KANTR: variants seen among roughly 807,000 people sequenced by gnomAD.
KANTR encodes the protein KANTR integral membrane protein, also known as KDM5C adjacent transcript.
At chrX:53,137,036 G>A (rs1043100445) in intron 2 of KANTR, among the ~76,000 whole-genome samples, 1 of 109,062 alleles carries the variant, frequency 9.2e-6, no homozygotes, top group Non-Finnish European at 1.9e-5. Context: ...CACTGCACCT[G>A]GCCACATTAG....
chrX:53,144,525 G>A (rs915137767), downstream of KANTR, among the ~76,000 whole-genome samples: 6 of 110,164 alleles, frequency 5.4e-5, no homozygotes, highest in East Asian at 2.9e-4. Context: ...GTGAAACCCC[G>A]TCTCTCCTAA....
chrX:53,140,089 G>A (rs1933480238), intron 2 of KANTR, among the ~76,000 whole-genome samples: 1 of 112,673 alleles, frequency 8.9e-6, no homozygotes, highest in African/African-American at 3.2e-5. Context: ...GCAGGATAAT[G>A]CCAAGTGGCG....
downstream of KANTR, chrX:53,142,962 G>T: frequency 1.1e-6 from 1 of 934,304 alleles, no homozygotes; most frequent in Non-Finnish European, 1.5e-6. Flanking sequence ...TGATGAACTT[G>T]ATCTTCATGG....
chrX:53,129,169 A>G (rs1247249309), downstream of KANTR, among the ~76,000 whole-genome samples: 6 of 99,925 alleles, frequency 6.0e-5, no homozygotes, highest in Middle Eastern at 4.7e-3. Context: ...CTGGGTTCAC[A>G]CCATTCTCCT....
chrX:53,136,019 G>A (rs1166093820), intron 2 of KANTR, among the ~76,000 whole-genome samples: 1 of 111,707 alleles, frequency 9.0e-6, no homozygotes, highest in Non-Finnish European at 1.9e-5. Flanking sequence ...TCTGAGAGCA[G>A]ATGGGTCTGT....
chrX:53,125,799 T>G (rs1369392515), exon 3 of KANTR: 3 of 111,125 alleles, frequency 2.7e-5, no homozygotes, highest in African/African-American at 9.8e-5. Context: ...TGGACTTACA[T>G]GCATACATTC....
rs1309512890 is a variant in KANTR at position 53,107,458 on chromosome X, T to TA, written c.-805+7861dup. Among the ~76,000 whole-genome samples, 518 of 101,576 alleles carry TA rather than the reference T, an allele frequency of 5.1e-3. 26 individuals are homozygous for TA. Among genetic ancestry groups the TA allele is most frequent in the African/African-American group, 0.017 (460 of 27,146 alleles). The allele number at this position is 101,576 out of a possible 115,157, so 88.2% of individuals were successfully genotyped here. ...AAACTCAGCAGTTTATCAATTTCTT[T>TA]AAAAAAAAAAACAGCTGAAATTCTC... On this transcript the variant is annotated intron_variant, in intron 2 of 2. Transcript: ENST00000604062.
chrX:53,123,981 C>T (rs1488337292), exon 3 of KANTR: 2 of 156,865 alleles, frequency 1.3e-5, no homozygotes, highest in African/African-American at 3.0e-5. Flanking sequence ...AGGTCCTACC[C>T]GGACACCTCT....
intron 2 of KANTR, among the ~76,000 whole-genome samples, chrX:53,141,380 T>TA (rs1933499777): frequency 9.0e-6 from 1 of 111,485 alleles, no homozygotes; most frequent in African/African-American, 3.3e-5. Flanking sequence ...CTCATCATGA[T>TA]ACTTTGTTGG....
chrX:53,102,960 A>AATAGTCTG (rs1356753740), intron 2 of KANTR, among the ~76,000 whole-genome samples: 5 of 103,520 alleles, frequency 4.8e-5, no homozygotes, highest in Non-Finnish European at 7.8e-5. Flanking sequence ...TACCTACTCC[A>AATAGTCTG]ATAGTCTGAC....
At chrX:53,128,378 C>T (rs1430146227), downstream of KANTR, among the ~76,000 whole-genome samples, 1 of 111,169 alleles carries the variant, frequency 9.0e-6, no homozygotes, top group Non-Finnish European at 1.9e-5. Flanking sequence ...TGTGAGAGCC[C>T]CTAAGGAATA....
intron 2 of KANTR, among the ~76,000 whole-genome samples, chrX:53,134,256 G>T (rs782547415): frequency 1.5e-4 from 17 of 110,758 alleles, no homozygotes; most frequent in African/African-American, 5.6e-4. Context: ...CAGCTGCTCG[G>T]GAGACTGAGG....
chrX:53,141,961 G>A, exon 3 of KANTR: 1 of 414,159 alleles, frequency 2.4e-6, no homozygotes, highest in South Asian at 7.9e-5. Context: ...TTCCAACTCT[G>A]ACAGACCGGC....
exon 3 of KANTR, chrX:53,124,681 T>C (rs193214901): frequency 8.5e-5 from 23 of 271,297 alleles, no homozygotes; most frequent in African/African-American, 6.4e-4. Context: ...GACCTGTAAG[T>C]TATATAGAAA....
intron 2 of KANTR, among the ~76,000 whole-genome samples, chrX:53,134,576 G>A (rs1395253674): frequency 1.8e-5 from 2 of 111,003 alleles, no homozygotes; most frequent in Non-Finnish European, 3.8e-5. Flanking sequence ...TTTTCTCTAT[G>A]TTGAATACAT....
At chrX:53,124,523 C>A in exon 3 of KANTR, 2 of 295,903 alleles carry the variant, frequency 6.8e-6, no homozygotes, top group South Asian at 4.1e-4. Context: ...ACATTGAGCT[C>A]ATTAGTTTTC....
downstream of KANTR, among the ~76,000 whole-genome samples, chrX:53,145,344 C>G (rs782143540): frequency 8.9e-6 from 1 of 112,135 alleles, no homozygotes; most frequent in South Asian, 3.7e-4. Flanking sequence ...AAATAGCTCA[C>G]CAGGAGATTA....
intron 2 of KANTR, among the ~76,000 whole-genome samples, chrX:53,139,756 T>A (rs1015353655): frequency 9.0e-6 from 1 of 111,179 alleles, no homozygotes; most frequent in Non-Finnish European, 1.9e-5. Context: ...AGCCCAGTAG[T>A]TTGAGGTTAC....
intron 2 of KANTR, among the ~76,000 whole-genome samples, chrX:53,141,504 A>G (rs1279625694): frequency 8.9e-6 from 1 of 111,798 alleles, no homozygotes; most frequent in Non-Finnish European, 1.9e-5. Flanking sequence ...ATCTATTATT[A>G]GGTGCTGCTT....
Sources: gnomAD v4.1 joint callset for allele counts (sites outside exome capture counted in the v4.1 genomes callset) on GRCh38, gnomAD v4.1.1 for gene constraint, MANE v1.5 for transcripts, NCBI Gene and HGNC (gene_info 2026-07-23, HGNC 2026-07-21) for gene names.